XK: variants seen among roughly 807,000 people sequenced by gnomAD.
XK encodes the protein X-linked Kx blood group antigen, Kell and VPS13A binding protein, also known as endoplasmic reticulum membrane adapter protein XK.
XK carries 2 observed loss-of-function variants against 14.0 expected under a neutral mutation model. The observed-to-expected ratio is 0.14, with a 90% CI of 0.06 to 0.45. The LOEUF (loss-of-function observed/expected upper bound fraction) is 0.45. XK is among the 20% of genes least tolerant of loss of function. The probability of loss-of-function intolerance (pLI) is 0.98; values close to 1 mark genes in which losing one functional copy is unlikely to be tolerated. For synonymous variants in XK, 149 were observed against 147.5 expected, an observed-to-expected ratio of 1.01 and a Z score of -0.08; for missense variants, 235 against 341.5, an observed-to-expected ratio of 0.69 and a Z score of 2.46.
chrX:37,706,075 C>T (rs1927521130), intron 2 of XK, among the ~76,000 whole-genome samples: 1 of 111,578 alleles, frequency 9.0e-6, no homozygotes, highest in African/African-American at 3.3e-5. Flanking sequence ...AAGAACAAAT[C>T]TTTCCTATTT....
intron 2 of XK, among the ~76,000 whole-genome samples, chrX:37,695,975 A>G (rs1193854536): frequency 8.9e-6 from 1 of 112,294 alleles, no homozygotes; most frequent in Non-Finnish European, 1.9e-5. Context: ...TTCCTAGTTT[A>G]TTGTTTTTCC....
chrX:37,723,142 G>A (rs1927913014), intron 2 of XK, among the ~76,000 whole-genome samples: 1 of 111,291 alleles, frequency 9.0e-6, no homozygotes, highest in Admixed American at 9.5e-5. Flanking sequence ...CCTAGGAAAT[G>A]AGATTAGGAT....
rs782269030 is a variant in XK, at chrX:37,694,529, G to A, written c.489G>A (p.Gln163=). The A allele has an allele frequency of 9.2e-6, 11 of 1,191,384 alleles. No individual in the cohort carries two copies. Among genetic ancestry groups the A allele is most frequent in the South Asian group, 1.8e-5 (1 of 54,371 alleles). ...TLQLYISVMQ[Q]DVTVGRSLLM... Reference sequence around the variant, plus strand: ...AGCTGTACATAAGTGTCATGCAGCAGGACGTCACTGTTGGAAGAAGTACGT... The same window carrying A: ...AGCTGTACATAAGTGTCATGCAGCAAGACGTCACTGTTGGAAGAAGTACGT... Residue 163 remains glutamine (Q), a synonymous_variant, in exon 2 of 3, where the codon CAG becomes CAA. Coordinates refer to ENST00000378616, the MANE Select transcript of XK (RefSeq NM_021083.4).
intron 2 of XK, among the ~76,000 whole-genome samples, chrX:37,701,725 A>C (rs1927420600): frequency 8.9e-6 from 1 of 112,039 alleles, no homozygotes; most frequent in South Asian, 3.7e-4. Flanking sequence ...CTCCTCCCCT[A>C]ACCCCAGACA....
intron 2 of XK, among the ~76,000 whole-genome samples, chrX:37,698,862 G>A (rs1295411091): frequency 1.8e-5 from 2 of 112,000 alleles, no homozygotes; most frequent in Non-Finnish European, 3.8e-5. Flanking sequence ...TTGTCTAACC[G>A]AGTCTGGGAA....
chrX:37,685,800 G>A lies in XK; in HGVS notation c.-162G>A. On this transcript the variant is annotated 5_prime_UTR_variant, in exon 1 of 3. Transcript: ENST00000378616. The stretch of plus-strand genomic sequence containing the variant: ...CACCAGGTCCAGTTCCAGAGCCCAG[G>A]CCGGTCGGCCGGGCCCGCGTGCCCT... 3.1e-6 allele frequency: 1 copy of A among 327,039 alleles called. No individual in the cohort carries two copies. Among genetic ancestry groups the A allele is most frequent in the Non-Finnish European group, 4.3e-6 (1 of 230,810 alleles). The allele number at this position is 327,039 out of a possible 1,213,427, so 27.0% of individuals were successfully genotyped here.
At chrX:37,706,089 A>T (rs192156822) in intron 2 of XK, among the ~76,000 whole-genome samples, 1 of 111,623 alleles carries the variant, frequency 9.0e-6, no homozygotes, top group Admixed American at 9.6e-5. Context: ...CCTATTTTCT[A>T]GGTACTCTGT....
At chrX:37,700,888 A>G (rs1459455442) in intron 2 of XK, among the ~76,000 whole-genome samples, 1 of 111,113 alleles carries the variant, frequency 9.0e-6, no homozygotes, top group East Asian at 2.8e-4. Context: ...CAGGCTTTAC[A>G]TGGAGATTGA....
intron 2 of XK, among the ~76,000 whole-genome samples, chrX:37,726,645 C>T (rs1035733173): frequency 1.8e-5 from 2 of 112,239 alleles, no homozygotes; most frequent in African/African-American, 3.2e-5. Flanking sequence ...TGTAATACCA[C>T]GTTCCATTTA....
intron 2 of XK, 105 bp from the exon 3 acceptor site, chrX:37,727,531 A>G (rs1928000881): frequency 1.4e-6 from 1 of 690,181 alleles, no homozygotes; most frequent in Non-Finnish European, 2.2e-6. Context: ...GTGCACATAA[A>G]ACAGAAGAGT....
chrX:37,691,026 A>G (rs1386458026), intron 1 of XK, among the ~76,000 whole-genome samples: 1 of 112,180 alleles, frequency 8.9e-6, no homozygotes, highest in African/African-American at 3.2e-5. Flanking sequence ...TTACAAATGT[A>G]TTAAACACCT....
intron 1 of XK, among the ~76,000 whole-genome samples, chrX:37,690,484 G>C (rs1173829517): frequency 8.9e-6 from 1 of 112,267 alleles, no homozygotes; most frequent in Non-Finnish European, 1.9e-5. Flanking sequence ...TAAGGAATAA[G>C]CTCCTTCTGC....
At chrX:37,704,112 A>C (rs1271737489) in intron 2 of XK, among the ~76,000 whole-genome samples, 3 of 112,323 alleles carry the variant, frequency 2.7e-5, no homozygotes, top group African/African-American at 9.7e-5. Context: ...TCAGGAGCCT[A>C]GTCTTTGAAG....
At position 37,729,634 on chromosome X, in the gene XK, A is replaced by G. The variant is rs1928048623; in HGVS notation, c.*1172A>G. 9.0e-6 allele frequency: 1 copy of G among 111,625 alleles called. No homozygotes were observed. The highest frequency in any genetic ancestry group is 3.3e-5 in the African/African-American group (1 of 30,677). 9.2% of individuals were successfully genotyped at this position (111,625 alleles called of 1,213,427 possible). ...GTTTCATTAAAGAGGATTGGGTAGC[A>G]TATCCTCAATTATCTTGGAAAAATG... On this transcript the variant is annotated 3_prime_UTR_variant, in exon 3 of 3. Transcript: ENST00000378616.
chrX:37,691,650 C>T (rs1374161725), intron 1 of XK, among the ~76,000 whole-genome samples: 1 of 112,125 alleles, frequency 8.9e-6, no homozygotes, highest in African/African-American at 3.2e-5. Context: ...TCAAACATTT[C>T]ACTGTTTATA....
At chrX:37,724,639 C>T (rs1556449657) in intron 2 of XK, among the ~76,000 whole-genome samples, 1 of 111,206 alleles carries the variant, frequency 9.0e-6, no homozygotes, top group East Asian at 2.8e-4. Context: ...AAAGAAAGAA[C>T]TAATAATCTG....
intron 1 of XK, among the ~76,000 whole-genome samples, chrX:37,689,937 T>G (rs1312331808): frequency 6.3e-5 from 7 of 111,843 alleles, no homozygotes; most frequent in Non-Finnish European, 1.3e-4. Context: ...GGAATAAATA[T>G]AAATGAGTTA....
intron 2 of XK, among the ~76,000 whole-genome samples, chrX:37,715,567 C>G (rs1158997394): frequency 2.7e-5 from 3 of 111,341 alleles, no homozygotes; most frequent in Non-Finnish European, 3.8e-5. Context: ...TTTTGCAGGC[C>G]ATCTATGGTC....
At chrX:37,723,651 A>T (rs999198130) in intron 2 of XK, among the ~76,000 whole-genome samples, 10 of 111,348 alleles carry the variant, frequency 9.0e-5, no homozygotes, top group Non-Finnish European at 1.5e-4. Context: ...TATGTGGGCC[A>T]TAGTATTGCT....
Sources: allele counts gnomAD v4.1 joint callset (sites outside exome capture counted in the v4.1 genomes callset), GRCh38; gene constraint gnomAD v4.1.1; transcripts MANE v1.5; gene names NCBI Gene and HGNC (gene_info 2026-07-23, HGNC 2026-07-21).